DLGAP2: variants seen among roughly 807,000 people sequenced by gnomAD.
DLGAP2 encodes DLG associated protein 2, also known as disks large-associated protein 2.
Under a neutral mutation model 100.3 loss-of-function variants are expected in DLGAP2, and 26 were observed. That is an observed-to-expected ratio of 0.26 (90% CI 0.19 to 0.36). The LOEUF is 0.36. Among genes scored for constraint, DLGAP2 ranks in the 10% least tolerant of loss-of-function variants. DLGAP2 has a pLI of 1.00. For synonymous variants in DLGAP2, 886 were observed against 630.1 expected, an observed-to-expected ratio of 1.41 and a Z score of -6.08; for missense variants, 1,858 against 1,453.2, an observed-to-expected ratio of 1.28 and a Z score of -4.53.
intron 2 of DLGAP2, among the ~76,000 whole-genome samples, chr8:1,100,636 A>G (rs1804548299): frequency 6.6e-6 from 1 of 152,182 alleles, no homozygotes; most frequent in South Asian, 2.1e-4. Flanking sequence ...CACACTTAGA[A>G]GTTGTATTTC....
intron 3 of DLGAP2, among the ~76,000 whole-genome samples, chr8:1,292,103 C>A (rs189102876): frequency 8.9e-4 from 135 of 152,298 alleles, no homozygotes; most frequent in African/African-American, 3.1e-3. Flanking sequence ...GGTGTGTCAG[C>A]TAAGCCTGTG....
chr8:1,616,183 A>G (rs762230477), intron 6 of DLGAP2, among the ~76,000 whole-genome samples: 4 of 152,176 alleles, frequency 2.6e-5, no homozygotes, highest in Non-Finnish European at 4.4e-5. Context: ...TGAAAATGAA[A>G]CAGTAGATAT....
intron 2 of DLGAP2, among the ~76,000 whole-genome samples, chr8:1,241,771 A>C (rs1798802199): frequency 6.6e-6 from 1 of 152,214 alleles, no homozygotes; most frequent in African/African-American, 2.4e-5. Flanking sequence ...AAATTCTGGA[A>C]ACCTTCAGGT....
intron 3 of DLGAP2, among the ~76,000 whole-genome samples, chr8:1,357,044 C>T (rs753795670): frequency 6.6e-6 from 1 of 152,136 alleles, no homozygotes; most frequent in Non-Finnish European, 1.5e-5. Context: ...ATCATCCTCC[C>T]TGTTAACGTC....
rs770753647 is a variant in DLGAP2 at position 1,697,129 on chromosome 8, C to G, written c.2797-18C>G. ...CAGGAGACTCTCCTGGCTCTGAACACCCTGTGTGTGTCCCCAGGACCCCAG... is the reference window on the plus strand; with the variant it reads ...CAGGAGACTCTCCTGGCTCTGAACAGCCTGTGTGTGTCCCCAGGACCCCAG... On this transcript the variant is annotated intron_variant, in intron 13 of 14. Transcript: ENST00000637795. 1 of 1,549,234 alleles carries G rather than the reference C, an allele frequency of 6.5e-7. No homozygotes were observed. The highest frequency in any genetic ancestry group is 1.9e-5 in the Admixed American group (1 of 52,222).
intron 2 of DLGAP2, among the ~76,000 whole-genome samples, chr8:1,114,053 G>C (rs1480865155): frequency 1.3e-5 from 2 of 152,196 alleles, no homozygotes; most frequent in African/African-American, 2.4e-5. Context: ...AAGCCTACTT[G>C]ATTGTGGTGG....
intron 2 of DLGAP2, among the ~76,000 whole-genome samples, chr8:1,105,244 C>T (rs578031215): frequency 6.6e-6 from 1 of 152,330 alleles, no homozygotes; most frequent in South Asian, 2.1e-4. Flanking sequence ...TTAAAAATTA[C>T]AACCGTGGTG....
intron 2 of DLGAP2, among the ~76,000 whole-genome samples, chr8:911,204 A>G (rs1563091532): frequency 6.6e-6 from 1 of 152,192 alleles, no homozygotes; most frequent in Non-Finnish European, 1.5e-5. Context: ...CTTTGGCTCC[A>G]TGGTGAAGAG....
At chr8:1,082,890 T>C (rs1265821472) in intron 2 of DLGAP2, among the ~76,000 whole-genome samples, 1 of 152,208 alleles carries the variant, frequency 6.6e-6, no homozygotes, top group Non-Finnish European at 1.5e-5. Context: ...TATTTCCTAG[T>C]TTTATTCAAC....
intron 1 of DLGAP2, among the ~76,000 whole-genome samples, chr8:830,795 T>C (rs1796766388): frequency 6.6e-6 from 1 of 152,200 alleles, no homozygotes; most frequent in Admixed American, 6.5e-5. Flanking sequence ...CCATTTGAGT[T>C]ATTTTGTTTC....
At chr8:925,379 G>A (rs1279382925) in intron 2 of DLGAP2, among the ~76,000 whole-genome samples, 2 of 152,160 alleles carry the variant, frequency 1.3e-5, no homozygotes, top group Non-Finnish European at 2.9e-5. Flanking sequence ...AGCTCAGCTT[G>A]TTTCATATAC....
At chr8:922,439 G>A (rs550556404) in intron 2 of DLGAP2, among the ~76,000 whole-genome samples, 3 of 152,244 alleles carry the variant, frequency 2.0e-5, no homozygotes, top group South Asian at 2.1e-4. Flanking sequence ...AGTAATTCCA[G>A]GAAGGCATTT....
chr8:1,092,523 G>T lies in DLGAP2; in HGVS notation c.74-166328G>T, dbSNP rs372238678. Among the ~76,000 whole-genome samples, 3 of 152,144 alleles carry T rather than the reference G, an allele frequency of 2.0e-5. No homozygotes were observed. The East Asian group carries it at 5.8e-4, about 29-fold the overall frequency. ...GGGAGCATGAGGGCCCTGGGTCTGG[G>T]GTCTCCTGGCAGGAAGAGGGGGCTG... is the stretch of plus-strand genomic sequence containing the variant. On this transcript the variant is annotated intron_variant, in intron 2 of 14. Coordinates refer to ENST00000637795, the MANE Select transcript of DLGAP2 (RefSeq NM_001346810.2).
chr8:1,323,401 C>T (rs912706259), intron 3 of DLGAP2, among the ~76,000 whole-genome samples: 4 of 152,164 alleles, frequency 2.6e-5, no homozygotes, highest in Non-Finnish European at 5.9e-5. Flanking sequence ...GTGGTTAAAC[C>T]GCTTCTGGCT....
chr8:1,330,969 C>T (rs1228360212), intron 3 of DLGAP2, among the ~76,000 whole-genome samples: 1 of 131,652 alleles, frequency 7.6e-6, no homozygotes, highest in East Asian at 2.4e-4. Flanking sequence ...CGCCACTTCA[C>T]CGGGACTGAG....
intron 4 of DLGAP2, among the ~76,000 whole-genome samples, chr8:1,507,449 G>C (rs956185716): frequency 3.3e-5 from 5 of 152,146 alleles, no homozygotes; most frequent in African/African-American, 9.7e-5. Context: ...TCCAAGTGCG[G>C]GGCCGCGGAG....
chr8:1,523,438 C>T (rs1307977855), intron 4 of DLGAP2, among the ~76,000 whole-genome samples: 1 of 152,214 alleles, frequency 6.6e-6, no homozygotes, highest in Non-Finnish European at 1.5e-5. Context: ...CCAGCCATGC[C>T]CCCACGCAGA....
chr8:1,258,495 A>G (rs1175419292), intron 2 of DLGAP2, among the ~76,000 whole-genome samples: 1 of 152,146 alleles, frequency 6.6e-6, no homozygotes, highest in Non-Finnish European at 1.5e-5. Flanking sequence ...TGCGGGGCTT[A>G]AAACCTGGAT....
chr8:905,487 G>T (rs1041441788), intron 1 of DLGAP2, among the ~76,000 whole-genome samples: 1 of 152,092 alleles, frequency 6.6e-6, no homozygotes, highest in Non-Finnish European at 1.5e-5. Flanking sequence ...GAACAGAGAC[G>T]GCATAAAACA....
Sources: gnomAD v4.1 joint callset for allele counts (sites outside exome capture counted in the v4.1 genomes callset) on GRCh38, gnomAD v4.1.1 for gene constraint, MANE v1.5 for transcripts, NCBI Gene and HGNC (gene_info 2026-07-23, HGNC 2026-07-21) for gene names.